Variants in TSHZ2 observed in about 807,000 individuals in gnomAD.
The protein encoded by TSHZ2 is teashirt homolog 2.
In TSHZ2, 21 loss-of-function variants were observed where a neutral mutation model predicts 74.4. The observed-to-expected ratio is 0.28, with a 90% CI of 0.20 to 0.41. The LOEUF (loss-of-function observed/expected upper bound fraction) is 0.41. Ranked by LOEUF, TSHZ2 falls within the 10% of genes least tolerant of loss-of-function variation. The probability of loss-of-function intolerance (pLI) is 1.00; values close to 1 mark genes in which losing one functional copy is unlikely to be tolerated. For missense variants in TSHZ2, 1,244 were observed against 1,293.5 expected (o/e 0.96, Z 0.59); for synonymous variants, 540 against 515.3 (o/e 1.05, Z -0.65).
chr20:53,089,200 A>C (rs149009904), intron 1 of TSHZ2, among the ~76,000 whole-genome samples: 22 of 151,814 alleles, frequency 1.4e-4, no homozygotes, highest in Non-Finnish European at 2.9e-4. Context: ...GTCGAAAATA[A>C]ATGTTAGCTC....
intron 2 of TSHZ2, among the ~76,000 whole-genome samples, chr20:53,286,780 G>C (rs1016745656): frequency 3.3e-5 from 5 of 151,988 alleles, no homozygotes; most frequent in Non-Finnish European, 5.9e-5. Flanking sequence ...TGTAGTCCCA[G>C]CTACTTGGGA....
At chr20:53,077,635 A>T (rs1985408695) in intron 1 of TSHZ2, among the ~76,000 whole-genome samples, 1 of 152,176 alleles carries the variant, frequency 6.6e-6, no homozygotes, top group Non-Finnish European at 1.5e-5. Context: ...CATCATACAC[A>T]GCAGCCAAGC....
intron 2 of TSHZ2, among the ~76,000 whole-genome samples, chr20:53,268,296 C>T (rs894421873): frequency 6.6e-6 from 1 of 152,090 alleles, no homozygotes; most frequent in Non-Finnish European, 1.5e-5. Flanking sequence ...TTTCGTGTCA[C>T]GTCAACAAAG....
At chr20:53,168,715 C>T (rs1039000125) in intron 1 of TSHZ2, 2 of 152,110 alleles carry the variant, frequency 1.3e-5, no homozygotes, top group South Asian at 2.1e-4. Context: ...TCAGATGCAA[C>T]CTTCTTTCCA....
rs555179257 is a variant in TSHZ2, at chr20:53,030,830, G to A, written c.40+57497G>A. On this transcript the variant is annotated intron_variant, in intron 1 of 2. Coordinates refer to ENST00000371497, the MANE Select transcript of TSHZ2 (RefSeq NM_173485.6). ...ACATTATAATCATATAGAGGATAGC[G>A]TAATCCAGTAGAGTTTTACAATCTT... is the stretch of plus-strand genomic sequence containing the variant. 2.3e-4 allele frequency among the ~76,000 whole-genome samples: 35 copies of A among 152,276 alleles called. 1 individual carries two copies. In the South Asian group the frequency reaches 5.0e-3, roughly 22 times the overall value.
intron 1 of TSHZ2, among the ~76,000 whole-genome samples, chr20:52,988,737 T>C (rs1981864744): frequency 6.6e-6 from 1 of 152,160 alleles, no homozygotes; most frequent in African/African-American, 2.4e-5. Flanking sequence ...CCTGTTTCAC[T>C]AAACAAAAGT....
chr20:53,369,536 A>G (rs1284531594), intron 2 of TSHZ2, among the ~76,000 whole-genome samples: 1 of 151,724 alleles, frequency 6.6e-6, no homozygotes, highest in Non-Finnish European at 1.5e-5. Context: ...GTGAAACCCC[A>G]TCTTTACTAA....
rs187107910 is a variant in TSHZ2 at position 53,372,158 on chromosome 20, A to T, written c.*9-114986A>T. Among the ~76,000 whole-genome samples the T allele has an allele frequency of 3.3e-3, 504 of 152,220 alleles. 2 individuals carry two copies. The highest frequency in any genetic ancestry group is 0.012 in the African/African-American group (482 of 41,526). ...ATTCTGAGGTTCCAAACGGCCATCA[A>T]TTTTGAGGTGACTCTCTTCAGTCAG... On this transcript the variant is annotated intron_variant, in intron 2 of 2. Transcript: ENST00000371497.
intron 1 of TSHZ2, among the ~76,000 whole-genome samples, chr20:52,977,592 C>G (rs781082426): frequency 2.6e-5 from 4 of 152,082 alleles, no homozygotes; most frequent in African/African-American, 9.7e-5. Flanking sequence ...GTCCACACAA[C>G]ATTTTGGACG....
chr20:53,407,359 C>T (rs913303934), intron 2 of TSHZ2, among the ~76,000 whole-genome samples: 12 of 152,208 alleles, frequency 7.9e-5, no homozygotes, highest in African/African-American at 2.7e-4. Context: ...GTTTCACCTC[C>T]TCATTCCTAT....
chr20:53,424,569 T>A (rs573249483), intron 2 of TSHZ2, among the ~76,000 whole-genome samples: 190 of 152,222 alleles, frequency 1.2e-3, no homozygotes, highest in African/African-American at 3.0e-3. Context: ...CTTTTTTTTT[T>A]AAATTTTTTT....
intron 2 of TSHZ2, among the ~76,000 whole-genome samples, chr20:53,298,335 A>G (rs912782862): frequency 2.6e-5 from 4 of 152,242 alleles, no homozygotes; most frequent in Non-Finnish European, 5.9e-5. Context: ...GTGAAAGGAT[A>G]CAAACCATCG....
intron 1 of TSHZ2, among the ~76,000 whole-genome samples, chr20:53,203,007 A>C (rs1480802133): frequency 6.6e-6 from 1 of 152,122 alleles, no homozygotes; most frequent in African/African-American, 2.4e-5. Flanking sequence ...GGGACACAAT[A>C]TGAGCTGTTT....
At chr20:53,028,465 A>T (rs1983526640) in intron 1 of TSHZ2, among the ~76,000 whole-genome samples, 1 of 152,130 alleles carries the variant, frequency 6.6e-6, no homozygotes, top group Non-Finnish European at 1.5e-5. Flanking sequence ...ATGTTTGATG[A>T]CTCGCTGCTC....
chr20:53,213,697 C>CTT lies in TSHZ2; in HGVS notation c.41-39789_41-39788dup, dbSNP rs11480283. Among the ~76,000 whole-genome samples, 658 of 145,212 alleles carry CTT rather than the reference C, an allele frequency of 4.5e-3. 3 individuals carry two copies. The highest frequency in any genetic ancestry group is 0.015 in the East Asian group (76 of 4,988). ...TTAAGAATTTAATAAACTAATTGGA[C>CTT]TTTTTTTTTTTTTTGCAATTTCATG... is the stretch of plus-strand genomic sequence containing the variant. On this transcript the variant is annotated intron_variant, in intron 1 of 2. Transcript: ENST00000371497.
At chr20:53,410,282 C>T (rs1398976272) in intron 2 of TSHZ2, among the ~76,000 whole-genome samples, 1 of 152,212 alleles carries the variant, frequency 6.6e-6, no homozygotes, top group African/African-American at 2.4e-5. Flanking sequence ...CTCTCCCCTA[C>T]TTTCACTCAG....
chr20:53,161,130 C>CAAA lies in TSHZ2; in HGVS notation c.41-92348_41-92346dup, dbSNP rs368626161. ...AGAAACCAACTCTGGTTATTTTCAG[C>CAAA]AAAAAAAAAAAAAAAAAAAAAAATA... On this transcript the variant is annotated intron_variant, in intron 1 of 2. Coordinates refer to ENST00000371497, the MANE Select transcript of TSHZ2 (RefSeq NM_173485.6). Among the ~76,000 whole-genome samples the CAAA allele has an allele frequency of 3.3e-3, 221 of 67,790 alleles. 15 individuals carry two copies. The East Asian group carries it at 0.034, about 10-fold the overall frequency. The allele number at this position is 67,790 out of a possible 152,430, so 44.5% of individuals were successfully genotyped here. A position where few individuals can be genotyped will look rare whatever the true frequency, so the allele number is the denominator to read the frequency against.
At chr20:53,064,433 A>AT (rs964082310) in intron 1 of TSHZ2, among the ~76,000 whole-genome samples, 3 of 151,894 alleles carry the variant, frequency 2.0e-5, no homozygotes, top group Non-Finnish European at 2.9e-5. Flanking sequence ...AGCCTTCTTT[A>AT]TTTTTTTTAT....
intron 2 of TSHZ2, among the ~76,000 whole-genome samples, chr20:53,437,492 A>G (rs1437971750): frequency 6.6e-6 from 1 of 152,122 alleles, no homozygotes; most frequent in Non-Finnish European, 1.5e-5. Context: ...AAAAGAAAAG[A>G]AAAGAAAAAA....
Sources: allele counts gnomAD v4.1 joint callset (sites outside exome capture counted in the v4.1 genomes callset), GRCh38; gene constraint gnomAD v4.1.1; transcripts MANE v1.5; gene names NCBI Gene and HGNC (gene_info 2026-07-23, HGNC 2026-07-21).